The following MDGA2 variants were observed in gnomAD, a reference collection of about 807,000 sequenced individuals.
MDGA2 encodes MAM domain-containing glycosylphosphatidylinositol anchor protein 2.
MDGA2 carries 40 observed loss-of-function variants against 117.8 expected under a neutral mutation model. The observed-to-expected ratio is 0.34, with a 90% CI of 0.26 to 0.44. MDGA2 has a LOEUF of 0.44. Ranked by LOEUF, MDGA2 falls within the 20% of genes least tolerant of loss-of-function variation. MDGA2 has a pLI of 1.00. For missense variants in MDGA2, 1,123 were observed against 1,250.6 expected (o/e 0.90, Z 1.54); for synonymous variants, 452 against 439.0 (o/e 1.03, Z -0.37).
chr14:47,074,705 T>C (rs1422717442), intron 6 of MDGA2, among the ~76,000 whole-genome samples: 1 of 152,220 alleles, frequency 6.6e-6, no homozygotes, highest in Non-Finnish European at 1.5e-5. Context: ...CTTTTGTTTA[T>C]AGCTCCCAGA....
intron 9 of MDGA2, among the ~76,000 whole-genome samples, chr14:46,946,599 T>G (rs1377010559): frequency 6.6e-6 from 1 of 152,118 alleles, no homozygotes; most frequent in Non-Finnish European, 1.5e-5. Flanking sequence ...CTATGGAACA[T>G]ACATTATGAT....
intron 15 of MDGA2, among the ~76,000 whole-genome samples, chr14:46,851,700 C>G (rs1881061496): frequency 1.3e-5 from 2 of 151,682 alleles, no homozygotes. Context: ...TGTAAAATTT[C>G]AAGAGGTAAA....
In MDGA2 at chr14:47,036,343, T is replaced by A. The variant is rs1458864701; in HGVS notation, c.1526-1039A>T. ...GTTAATTTCTGATTTACAGAGAATATTTATGAGAAGTTAGATTGATTTTAC... is the reference window on the plus strand; with the variant it reads ...GTTAATTTCTGATTTACAGAGAATAATTATGAGAAGTTAGATTGATTTTAC... On this transcript the variant is annotated intron_variant, in intron 7 of 16. Transcript: ENST00000399232. Among the ~76,000 whole-genome samples the A allele has an allele frequency of 2.6e-5, 4 of 151,920 alleles. No individual in the cohort carries two copies. The South Asian group carries it at 8.3e-4, about 31-fold the overall frequency.
At chr14:47,476,240 G>C (rs1295969349) in intron 1 of MDGA2, among the ~76,000 whole-genome samples, 2 of 152,044 alleles carry the variant, frequency 1.3e-5, no homozygotes, top group Non-Finnish European at 2.9e-5. Context: ...CTTGCTAGGA[G>C]TATAAAATGT....
At chr14:47,284,462 A>T (rs995899179) in intron 2 of MDGA2, among the ~76,000 whole-genome samples, 2 of 152,076 alleles carry the variant, frequency 1.3e-5, no homozygotes, top group Non-Finnish European at 2.9e-5. Context: ...TTGCCATTGG[A>T]CTCAAGCCCA....
chr14:47,072,965 A>T (rs556259092), intron 6 of MDGA2, among the ~76,000 whole-genome samples: 61 of 152,040 alleles, frequency 4.0e-4, no homozygotes, highest in Non-Finnish European at 7.1e-4. Flanking sequence ...TATCAATAAC[A>T]AAAGAGTCTA....
intron 1 of MDGA2, among the ~76,000 whole-genome samples, chr14:47,335,323 G>A (rs1250827284): frequency 6.6e-6 from 1 of 150,488 alleles, no homozygotes; most frequent in East Asian, 2.0e-4. Context: ...AGGTTGAGGG[G>A]TTGCAATTTT....
chr14:47,078,966 G>A (rs938646573), intron 6 of MDGA2, among the ~76,000 whole-genome samples: 5 of 150,884 alleles, frequency 3.3e-5, no homozygotes, highest in African/African-American at 9.8e-5. Context: ...CCAGTCTCTC[G>A]TAACCACCAT....
chr14:47,602,193 T>TG (rs1262853210), intron 1 of MDGA2, among the ~76,000 whole-genome samples: 4 of 152,180 alleles, frequency 2.6e-5, no homozygotes, highest in Non-Finnish European at 5.9e-5. Context: ...AATGTTTCTA[T>TG]GAAATGACCA....
At chr14:47,645,068 C>T (rs1298636899) in intron 1 of MDGA2, among the ~76,000 whole-genome samples, 1 of 152,094 alleles carries the variant, frequency 6.6e-6, no homozygotes, top group Non-Finnish European at 1.5e-5. Flanking sequence ...TACAGACAGA[C>T]TGATTTTAGC....
intron 1 of MDGA2, among the ~76,000 whole-genome samples, chr14:47,581,866 T>G (rs1896235533): frequency 6.6e-6 from 1 of 151,946 alleles, no homozygotes; most frequent in Non-Finnish European, 1.5e-5. Flanking sequence ...ACACTGGGTT[T>G]CAAAAATTAT....
Position 47,434,512 on chromosome 14 carries a change from C to A in MDGA2, c.281-132962G>T, listed in dbSNP as rs190592722. Among the ~76,000 whole-genome samples, 335 of 152,190 alleles carry A rather than the reference C, an allele frequency of 2.2e-3. 3 individuals are homozygous for A. The highest frequency in any genetic ancestry group is 7.8e-3 in the African/African-American group (323 of 41,548). On this transcript the variant is annotated intron_variant, in intron 1 of 16. Coordinates refer to ENST00000399232, the MANE Select transcript of MDGA2 (RefSeq NM_001113498.3). ...GATTCTTACTAATTCTAGACTATTTCTCTGAGGTCAAAGAAGGTAGAATAT... is the reference window on the plus strand; with the variant it reads ...GATTCTTACTAATTCTAGACTATTTATCTGAGGTCAAAGAAGGTAGAATAT...
intron 1 of MDGA2, among the ~76,000 whole-genome samples, chr14:47,652,147 G>T (rs2053819470): frequency 6.6e-6 from 1 of 152,138 alleles, no homozygotes; most frequent in African/African-American, 2.4e-5. Context: ...TCGTGATTGA[G>T]GAGAACAGGA....
intron 1 of MDGA2, among the ~76,000 whole-genome samples, chr14:47,304,126 T>C (rs1889367287): frequency 6.6e-6 from 1 of 152,168 alleles, no homozygotes; most frequent in Non-Finnish European, 1.5e-5. Context: ...TTCATCAAAA[T>C]ATGTGCTCAA....
intron 9 of MDGA2, among the ~76,000 whole-genome samples, chr14:46,953,891 T>A (rs866455545): frequency 6.6e-6 from 1 of 152,044 alleles, no homozygotes; most frequent in South Asian, 2.1e-4. Context: ...ATCTTCACGT[T>A]CAAAAAAAGA....
intron 9 of MDGA2, among the ~76,000 whole-genome samples, chr14:46,922,555 A>G (rs950610898): frequency 2.6e-5 from 4 of 152,236 alleles, no homozygotes; most frequent in African/African-American, 4.8e-5. Context: ...ATTTATTAAA[A>G]AGAATAAGGT....
intron 1 of MDGA2, among the ~76,000 whole-genome samples, chr14:47,605,471 T>G (rs758217650): frequency 7.9e-5 from 12 of 152,096 alleles, no homozygotes; most frequent in Non-Finnish European, 1.5e-4. Flanking sequence ...AAACAGAAGA[T>G]CAGAAACTGC....
Position 47,392,114 on chromosome 14 carries a change from C to CAA in MDGA2, c.281-90566_281-90565dup, listed in dbSNP as rs200909039. ...CACTCAGATCTCCTGAAGAGCGCAT[C>CAA]AAATGGAAGGCGTATGTAAAGAACT... On this transcript the variant is annotated intron_variant, in intron 1 of 16. Coordinates refer to ENST00000399232, the MANE Select transcript of MDGA2 (RefSeq NM_001113498.3). Among the ~76,000 whole-genome samples the CAA allele has an allele frequency of 3.2e-3, 483 of 151,966 alleles. 2 individuals carry two copies. The highest frequency in any genetic ancestry group is 0.011 in the African/African-American group (458 of 41,418).
rs1880579065 is a variant in MDGA2, at chr14:46,840,839, T to G, written c.*1092A>C. On this transcript the variant is annotated 3_prime_UTR_variant, in exon 17 of 17. Coordinates refer to ENST00000399232, the MANE Select transcript of MDGA2 (RefSeq NM_001113498.3). ...ATTTAATAACCTGGAAGAAAAAAAG[T>G]GTTGCTCCATGTCTGGTCTCAATGG... 6.6e-6 allele frequency: 1 copy of G among 152,568 alleles called. No individual in the cohort carries two copies. The highest frequency in any genetic ancestry group is 2.4e-5 in the African/African-American group (1 of 41,452). The allele number at this position is 152,568 out of a possible 1,614,324, so 9.5% of individuals were successfully genotyped here.
Sources: gnomAD v4.1 joint callset for allele counts (sites outside exome capture counted in the v4.1 genomes callset) on GRCh38, gnomAD v4.1.1 for gene constraint, MANE v1.5 for transcripts, NCBI Gene and HGNC (gene_info 2026-07-23, HGNC 2026-07-21) for gene names.